CERS6: variants seen among roughly 807,000 people sequenced by gnomAD.
CERS6 encodes LAG1 homolog, ceramide synthase 6.
Under a neutral mutation model 56.8 loss-of-function variants are expected in CERS6, and 26 were observed. The observed-to-expected ratio is 0.46, with a 90% confidence interval of 0.34 to 0.63. The LOEUF is 0.63. CERS6 is among the 30% of genes least tolerant of loss of function. The probability of loss-of-function intolerance (pLI) is 0.01; values close to 1 mark genes in which losing one functional copy is unlikely to be tolerated. For missense variants in CERS6, 415 were observed against 467.5 expected (o/e 0.89, Z 1.04); for synonymous variants, 164 against 173.3 (o/e 0.95, Z 0.42).
At position 168,539,698 on chromosome 2, in the gene CERS6, C is replaced by T. The variant is rs114128137; in HGVS notation, c.171-7898C>T. On this transcript the variant is annotated intron_variant, in intron 1 of 9. Transcript: ENST00000305747. ...TCTGGTCAGTTTTAAATTGATAATA[C>T]TTACTCTGATGCTAGCCACGGCACA... Among the ~76,000 whole-genome samples the T allele has an allele frequency of 6.9e-4, 105 of 152,334 alleles. 1 individual carries two copies. The highest frequency in any genetic ancestry group is 2.5e-3 in the African/African-American group (103 of 41,576).
intron 1 of CERS6, among the ~76,000 whole-genome samples, chr2:168,511,180 GTCCATTTTTTCC>G: frequency 6.6e-6 from 1 of 152,178 alleles, no homozygotes; most frequent in East Asian, 1.9e-4. Context: ...CCTTGGTTGG[GTCCATTTTTTCC>G]TCCATCCTGT....
chr2:168,718,182 G>A (rs1687274292), intron 8 of CERS6, among the ~76,000 whole-genome samples: 1 of 152,194 alleles, frequency 6.6e-6, no homozygotes, highest in South Asian at 2.1e-4. Context: ...AGTTGGAAAA[G>A]GATGTGGCTT....
At chr2:168,520,543 C>T (rs1296082811) in intron 1 of CERS6, among the ~76,000 whole-genome samples, 1 of 136,288 alleles carries the variant, frequency 7.3e-6, no homozygotes, top group Non-Finnish European at 1.6e-5. Context: ...AGGTTTTCTT[C>T]TAGGATCTTT....
intron 4 of CERS6, among the ~76,000 whole-genome samples, chr2:168,675,155 G>A (rs1483116834): frequency 6.6e-6 from 1 of 151,876 alleles, no homozygotes; most frequent in African/African-American, 2.4e-5. Context: ...TTGTATTTTA[G>A]TAGAGACGGG....
intron 3 of CERS6, among the ~76,000 whole-genome samples, chr2:168,619,723 C>A (rs368346587): frequency 6.6e-6 from 1 of 151,904 alleles, no homozygotes; most frequent in Non-Finnish European, 1.5e-5. Context: ...GAGATGGATG[C>A]GGTGAATAGG....
chr2:168,691,105 G>C, intron 5 of CERS6, 21 bp downstream of exon 5: 1 of 1,608,580 alleles, frequency 6.2e-7, no homozygotes, highest in Non-Finnish European at 8.5e-7. Context: ...ATTATTGTCT[G>C]GGTTTTTACA....
chr2:168,644,152 T>C, intron 4 of CERS6: 1 of 972,336 alleles, frequency 1.0e-6, no homozygotes. Context: ...AGGCAGCACA[T>C]GGTAAGTGCT....
intron 3 of CERS6, among the ~76,000 whole-genome samples, chr2:168,563,784 A>G (rs1695835588): frequency 6.6e-6 from 1 of 152,250 alleles, no homozygotes; most frequent in Non-Finnish European, 1.5e-5. Flanking sequence ...GCGACAGAGC[A>G]AGACTCCATC....
chr2:168,725,424 C>T (rs568516937), intron 8 of CERS6, among the ~76,000 whole-genome samples: 8 of 152,378 alleles, frequency 5.3e-5, no homozygotes, highest in East Asian at 1.9e-4. Flanking sequence ...CGAGAGCGAG[C>T]GAGGGCTGTG....
At chr2:168,466,524 A>G (rs1446924006) in intron 1 of CERS6, among the ~76,000 whole-genome samples, 2 of 152,240 alleles carry the variant, frequency 1.3e-5, no homozygotes, top group African/African-American at 2.4e-5. Context: ...TTTTTCTCAA[A>G]TGCTGCATAT....
chr2:168,590,959 C>T (rs372148907), intron 3 of CERS6, among the ~76,000 whole-genome samples: 7 of 152,174 alleles, frequency 4.6e-5, no homozygotes, highest in Admixed American at 4.6e-4. Context: ...CTTGCTGCCT[C>T]GTATGGCATT....
intron 4 of CERS6, among the ~76,000 whole-genome samples, chr2:168,655,178 G>T (rs376763413): frequency 6.6e-6 from 1 of 152,058 alleles, no homozygotes; most frequent in Non-Finnish European, 1.5e-5. Context: ...TAAAACCACC[G>T]TGAGATACCA....
At chr2:168,605,149 A>G (rs1317765820) in intron 3 of CERS6, among the ~76,000 whole-genome samples, 2 of 152,224 alleles carry the variant, frequency 1.3e-5, no homozygotes, top group Non-Finnish European at 2.9e-5. Flanking sequence ...CAAACTGATG[A>G]AGTCTCAGAC....
intron 1 of CERS6, among the ~76,000 whole-genome samples, chr2:168,467,921 G>A (rs1385790332): frequency 6.6e-6 from 1 of 152,118 alleles, no homozygotes. Context: ...AAGCAGTAGG[G>A]CCTGTTTACA....
At chr2:168,465,678 T>C (rs749226542) in intron 1 of CERS6, among the ~76,000 whole-genome samples, 3 of 151,986 alleles carry the variant, frequency 2.0e-5, no homozygotes, top group Non-Finnish European at 2.9e-5. Context: ...GTACCTAGAG[T>C]AGTCAGATTC....
chr2:168,534,407 CTT>C (rs34587789), intron 1 of CERS6, among the ~76,000 whole-genome samples: 129 of 136,552 alleles, frequency 9.4e-4, no homozygotes, highest in Admixed American at 2.2e-3. Flanking sequence ...TTTTGTGGGG[CTT>C]TTTTTTTTTT....
intron 3 of CERS6, among the ~76,000 whole-genome samples, chr2:168,609,424 A>G (rs13423244): frequency 0.063 from 9,561 of 152,286 alleles, 423 homozygotes; most frequent in Non-Finnish European, 0.093. Context: ...GCTTTTTACT[A>G]GAAGAGGAAA....
intron 3 of CERS6, among the ~76,000 whole-genome samples, chr2:168,601,823 T>A (rs1157160307): frequency 6.6e-6 from 1 of 152,194 alleles, no homozygotes; most frequent in South Asian, 2.1e-4. Flanking sequence ...GTGCTGAGAT[T>A]ACAGGCATGA....
intron 4 of CERS6, among the ~76,000 whole-genome samples, chr2:168,682,534 T>A (rs757056255): frequency 5.9e-5 from 9 of 152,302 alleles, no homozygotes; most frequent in Non-Finnish European, 1.2e-4. Context: ...ATAGCGGTAG[T>A]GAGCAGTTGC....
Sources: gnomAD v4.1 joint callset for allele counts (sites outside exome capture counted in the v4.1 genomes callset) on GRCh38, gnomAD v4.1.1 for gene constraint, MANE v1.5 for transcripts, NCBI Gene and HGNC (gene_info 2026-07-23, HGNC 2026-07-21) for gene names.